Variants in TSGA13 observed in about 807,000 individuals in gnomAD.
TSGA13 encodes the protein testis specific 13.
TSGA13 carries 37 observed loss-of-function variants against 35.1 expected under a neutral mutation model. That is an observed-to-expected ratio of 1.05 (90% CI 0.81 to 1.39). TSGA13 has a LOEUF of 1.39. Among genes scored for constraint, TSGA13 ranks in the 40% most tolerant of loss-of-function variants. The pLI is 0.00. For synonymous variants in TSGA13, 124 were observed against 121.2 expected (o/e 1.02, Z -0.15); for missense variants, 338 against 328.5 (o/e 1.03, Z -0.22).
chr7:130,681,142 G>A, intron 3 of TSGA13, 125 bp from the exon 4 acceptor site: 3 of 775,068 alleles, frequency 3.9e-6, no homozygotes, highest in South Asian at 1.8e-5. Flanking sequence ...AGTTAGAGAA[G>A]TACAGTTAGA....
intron 2 of TSGA13, 99 bp downstream of exon 2, chr7:130,685,089 T>C: frequency 8.5e-7 from 1 of 1,177,008 alleles, no homozygotes; most frequent in Admixed American, 1.7e-5. Context: ...TTAATGAGAG[T>C]CTACTCTGTG....
chr7:130,669,072 G>T lies in TSGA13; in HGVS notation c.770C>A (p.Ala257Asp). The change falls in exon 8 of 8, where the codon GCC becomes GAC. Residue 257 changes from alanine to aspartate, a missense_variant. Physicochemically the swap from Ala to Asp is moderately radical, Grantham distance 126 (BLOSUM62 -2). Coordinates refer to ENST00000356588, the MANE Select transcript of TSGA13 (RefSeq NM_052933.4). ...CTGCGGGGCCCTCCCGTTGCGGAAG[G>T]CGCTCTCCCCGGGCGCGGTTCTGGT... ...MPTRTAPGES[A>D]FRNGRAPQWI... 6.2e-7 allele frequency: 1 copy of T among 1,614,230 alleles called. No homozygotes were observed. The highest frequency in any genetic ancestry group is 8.5e-7 in the Non-Finnish European group (1 of 1,180,042).
chr7:130,680,549 T>C (rs1487609364), intron 4 of TSGA13, among the ~76,000 whole-genome samples: 1 of 150,076 alleles, frequency 6.7e-6, no homozygotes, highest in Non-Finnish European at 1.5e-5. Context: ...AAAGATAGCA[T>C]GTCACTTAAG....
At chr7:130,671,153 C>G (rs1373403014) in intron 7 of TSGA13, among the ~76,000 whole-genome samples, 1 of 152,126 alleles carries the variant, frequency 6.6e-6, no homozygotes, top group Non-Finnish European at 1.5e-5. Context: ...ACAGACTTAT[C>G]CTTTGGCCCT....
At chr7:130,685,679 C>T (rs574757311) in intron 1 of TSGA13, among the ~76,000 whole-genome samples, 17 of 152,252 alleles carry the variant, frequency 1.1e-4, no homozygotes, top group Middle Eastern at 6.8e-3. Context: ...TCACATATGT[C>T]CGTAGAAGGC....
At position 130,671,647 on chromosome 7, in the gene TSGA13, A is replaced by G. The variant is rs1554462959; in HGVS notation, c.658+14T>C. ...CAGTCCAGTAAGCCTTTGCTTTGAAAGAGAGGAGCTTACCATCTTTCCTCA... is the reference window on the plus strand; with the variant it reads ...CAGTCCAGTAAGCCTTTGCTTTGAAGGAGAGGAGCTTACCATCTTTCCTCA... On this transcript the variant is annotated intron_variant, in intron 7 of 7. Transcript: ENST00000356588. 2 of 1,558,950 alleles carry G rather than the reference A, an allele frequency of 1.3e-6. No individual in the cohort carries two copies. Among genetic ancestry groups the G allele is most frequent in the South Asian group, 2.4e-5 (2 of 83,462 alleles).
Position 130,668,759 on chromosome 7 carries a change from C to T in TSGA13, c.*255G>A, listed in dbSNP as rs1796164767. On this transcript the variant is annotated 3_prime_UTR_variant, in exon 8 of 8. Transcript: ENST00000356588. ...AGAGGCTGCAGGAAGGCCGGCCCCG[C>T]GCTCTCACGCCGGTTGGGCCGCCGC... 1 of 1,434,506 alleles carries T rather than the reference C, an allele frequency of 7.0e-7. No homozygotes were observed. Among genetic ancestry groups the T allele is most frequent in the Non-Finnish European group, 9.3e-7 (1 of 1,073,216 alleles). The allele number at this position is 1,434,506 out of a possible 1,614,324, so 88.9% of individuals were successfully genotyped here.
chr7:130,676,365 C>T (rs1796411728), intron 5 of TSGA13, among the ~76,000 whole-genome samples: 1 of 152,190 alleles, frequency 6.6e-6, no homozygotes, highest in African/African-American at 2.4e-5. Flanking sequence ...CCACAATTTG[C>T]TCATCAATAT....
rs781821867 is a variant in TSGA13 at position 130,680,947 on chromosome 7, A to G, written c.173T>C (p.Leu58Ser). ...TGGGGGAATGCTTTCTCTACCTACC[A>G]AATTTGGATGGACTGTGTAATGCCG... ...NLRHYTVHPNLAQYYKPLKAT... is the reference protein window; with the variant it reads ...NLRHYTVHPNSAQYYKPLKAT... Residue 58 changes from leucine to serine, a missense_variant and splice_region_variant, in exon 4 of 8, where the codon TTG (leucine) becomes TCG (serine). By Grantham distance (145) the Leu-to-Ser change is moderately radical. Coordinates refer to ENST00000356588, the MANE Select transcript of TSGA13 (RefSeq NM_052933.4). 7 of 1,614,032 alleles carry G rather than the reference A, an allele frequency of 4.3e-6. No homozygotes were observed. The highest frequency in any genetic ancestry group is 5.9e-6 in the Non-Finnish European group (7 of 1,179,972).
chr7:130,674,042 C>T (rs372544742), intron 5 of TSGA13, among the ~76,000 whole-genome samples: 5 of 150,308 alleles, frequency 3.3e-5, no homozygotes, highest in Non-Finnish European at 5.9e-5. Context: ...TTGCAGTGAG[C>T]CGAGATCACA....
intron 5 of TSGA13, among the ~76,000 whole-genome samples, chr7:130,676,076 G>A (rs1359319221): frequency 6.6e-6 from 1 of 152,226 alleles, no homozygotes; most frequent in African/African-American, 2.4e-5. Context: ...GATATATCTA[G>A]TACATTCCAT....
chr7:130,671,298 T>C (rs1473707418), intron 7 of TSGA13, among the ~76,000 whole-genome samples: 5 of 152,216 alleles, frequency 3.3e-5, no homozygotes, highest in African/African-American at 9.6e-5. Flanking sequence ...AATTTGTACA[T>C]CAAAACCATG....
At position 130,671,740 on chromosome 7, in the gene TSGA13, G is replaced by A. The variant is rs1554463015; in HGVS notation, c.579C>T (p.Val193=). Residue 193 remains valine (V), a synonymous_variant, in exon 7 of 8, where the codon GTC becomes GTT. Transcript: ENST00000356588. ...TTTTCTTCTGTGTCCTCAAAGCGTA[G>A]ACTTTTGAATACTTCCCTTCGCTCT... ...DFKSEGKYSK[V]YALRTQKKMY... is the part of the protein sequence containing the mutation. 1.2e-6 allele frequency: 2 copies of A among 1,609,304 alleles called. No individual in the cohort carries two copies. The highest frequency in any genetic ancestry group is 1.7e-6 in the Non-Finnish European group (2 of 1,176,864).
intron 4 of TSGA13, among the ~76,000 whole-genome samples, chr7:130,680,496 A>C (rs1554464921): frequency 7.1e-6 from 1 of 141,340 alleles, no homozygotes; most frequent in East Asian, 2.1e-4. Flanking sequence ...ACAGAGCGAG[A>C]CTCCATCTCA....
At chr7:130,670,781 C>T (rs546360105) in intron 7 of TSGA13, among the ~76,000 whole-genome samples, 145 of 152,144 alleles carry the variant, frequency 9.5e-4, no homozygotes, top group Non-Finnish European at 1.6e-3. Flanking sequence ...CCGCCACACC[C>T]TGTTAAATTT....
At chr7:130,684,116 C>T (rs1377491236) in intron 2 of TSGA13, among the ~76,000 whole-genome samples, 2 of 152,196 alleles carry the variant, frequency 1.3e-5, no homozygotes, top group African/African-American at 4.8e-5. Flanking sequence ...CAATGATTAG[C>T]CAATGAATCT....
In TSGA13 at chr7:130,669,144, A is replaced by G; in HGVS notation, c.698T>C (p.Val233Ala). The G allele has an allele frequency of 6.2e-7, 1 of 1,614,202 alleles. No individual in the cohort carries two copies. The change falls in exon 8 of 8, where the codon GTG becomes GCG. Residue 233 changes from valine to alanine, a missense_variant. Transcript: ENST00000356588. Reference sequence around the variant, plus strand: ...TGCGAGTGTCAGTGGTTCCCGAATCACTTTGGAAATTGGCCTTTCACTCGC... The same window carrying G: ...TGCGAGTGTCAGTGGTTCCCGAATCGCTTTGGAAATTGGCCTTTCACTCGC... ...KSASERPISK[V>A]IREPLTLASL...
At chr7:130,677,199 G>A (rs922450905) in intron 5 of TSGA13, among the ~76,000 whole-genome samples, 3 of 151,726 alleles carry the variant, frequency 2.0e-5, no homozygotes, top group African/African-American at 4.8e-5. Flanking sequence ...GCCAGATTTT[G>A]ATTCTTAAAT....
chr7:130,681,129 G>C (rs782145456), intron 3 of TSGA13, 112 bp from the exon 4 acceptor site: 119 of 864,718 alleles, frequency 1.4e-4, no homozygotes, highest in South Asian at 7.9e-4. Flanking sequence ...CTTACACTAA[G>C]TAAGTTAGAG....
Sources: allele counts gnomAD v4.1 joint callset (sites outside exome capture counted in the v4.1 genomes callset), GRCh38; gene constraint gnomAD v4.1.1; transcripts MANE v1.5; gene names NCBI Gene and HGNC (gene_info 2026-07-23, HGNC 2026-07-21).